ENAM: variants seen among roughly 807,000 people sequenced by gnomAD.
The protein encoded by ENAM is enamelin.
A neutral mutation model predicts 33.6 loss-of-function variants in ENAM; 21 were observed. The ratio of observed to expected loss-of-function variants is 0.63; its 90% CI spans 0.44 to 0.90. The LOEUF (loss-of-function observed/expected upper bound fraction) is 0.90, where lower values mean the gene tolerates loss of function less well. Ranked by LOEUF, ENAM falls within the 40% of genes least tolerant of loss-of-function variation. The pLI is 0.00. For synonymous variants in ENAM, 473 were observed against 468.4 expected (o/e 1.01, Z -0.13); for missense variants, 1,388 against 1,366.9 (o/e 1.02, Z -0.24).
chr4:70,645,032 T>C lies in ENAM; in HGVS notation c.*177T>C. 1.6e-6 allele frequency: 1 copy of C among 640,866 alleles called. No individual in the cohort carries two copies. Among genetic ancestry groups the C allele is most frequent in the Non-Finnish European group, 2.8e-6 (1 of 356,684 alleles). 39.7% of individuals were successfully genotyped at this position (640,866 alleles called of 1,614,324 possible). ...CCAGGTGGAGCTGAGATTAGGCCTC[T>C]GGGGATCACCAGATCTAGCACTTTC... On this transcript the variant is annotated 3_prime_UTR_variant, in exon 9 of 9. Transcript: ENST00000396073.
chr4:70,632,671 C>T lies in ENAM; in HGVS notation c.189C>T (p.Phe63=). Residue 63 remains phenylalanine (F), a synonymous_variant, in exon 5 of 9, where the codon TTC becomes TTT. Transcript: ENST00000396073. The stretch of plus-strand genomic sequence containing the variant: ...TGCAGATGATGCGGTATAATCAATT[C>T]AACTTTATGAACGGCCCACATGTAA... ...KSEEMMRYNQ[F]NFMNGPHMAH... is the part of the protein sequence containing the mutation. 6.2e-7 allele frequency: 1 copy of T among 1,604,434 alleles called. No individual in the cohort carries two copies. Among genetic ancestry groups the T allele is most frequent in the Non-Finnish European group, 8.5e-7 (1 of 1,171,438 alleles).
Position 70,642,827 on chromosome 4 carries a change from T to C in ENAM, c.1401T>C (p.Asn467=), listed in dbSNP as rs774009093. The C allele has an allele frequency of 1.2e-5, 19 of 1,614,012 alleles. No homozygotes were observed. The Admixed American group carries it at 3.2e-4, about 27-fold the overall frequency. The part of the protein sequence containing the change: ...PWRNSQQYEV[N]KSNYKLPHSE... Reference sequence around the variant, plus strand: ...GAAACTCTCAACAGTATGAAGTTAATAAATCAAATTATAAACTGCCTCACT... The same window carrying C: ...GAAACTCTCAACAGTATGAAGTTAACAAATCAAATTATAAACTGCCTCACT... The change falls in exon 9 of 9, where the codon AAT becomes AAC. Residue 467 remains asparagine (N), a synonymous_variant. Coordinates refer to ENST00000396073, the MANE Select transcript of ENAM (RefSeq NM_031889.3).
chr4:70,637,698 T>C (rs1461609939), intron 7 of ENAM, 92 bp from the exon 8 acceptor site: 5 of 929,626 alleles, frequency 5.4e-6, no homozygotes, highest in Non-Finnish European at 9.0e-6. Flanking sequence ...AATCATTGAC[T>C]TGAGCTATTT....
Position 70,631,696 on chromosome 4 carries a change from C to G in ENAM, c.81C>G (p.Leu27=), listed in dbSNP as rs780256936. The G allele has an allele frequency of 1.2e-6, 2 of 1,613,518 alleles. No individual in the cohort carries two copies. Among genetic ancestry groups the G allele is most frequent in the Admixed American group, 3.3e-5 (2 of 60,006 alleles). ...NLVPKGKMKI[L]LVFLGLLGNS... is the part of the protein sequence containing the mutation. Reference sequence around the variant, plus strand: ...TACCAAAAGGCAAAATGAAGATTCTCCTGGTCTTTCTAGGGCTTCTTGGTA... The same window carrying G: ...TACCAAAAGGCAAAATGAAGATTCTGCTGGTCTTTCTAGGGCTTCTTGGTA... Residue 27 remains leucine, a synonymous_variant, in exon 3 of 9, where the codon CTC becomes CTG. Transcript: ENST00000396073.
rs1738496547 is a variant in ENAM, at chr4:70,637,841, G to T, written c.586G>T (p.Gly196Trp). Residue 196 changes from glycine (G) to tryptophan (W), a missense_variant and splice_region_variant, in exon 8 of 9, where the codon GGG (glycine) becomes TGG (tryptophan). Transcript: ENST00000396073. ...CCCACCAATCAGCAATGAAGAAGGG[G>T]GGGTAAGTACAAGTAAAACTACATT... ...GRPPISNEEG[G>W]NPYFGYFGYH... The T allele has an allele frequency of 6.2e-7, 1 of 1,610,330 alleles. No individual in the cohort carries two copies. Among genetic ancestry groups the T allele is most frequent in the Non-Finnish European group, 8.5e-7 (1 of 1,176,554 alleles).
Position 70,640,591 on chromosome 4 carries a change from A to G in ENAM, c.589-1424A>G, listed in dbSNP as rs1015652252. 2.0e-5 allele frequency among the ~76,000 whole-genome samples: 3 copies of G among 152,148 alleles called. No individual in the cohort carries two copies. In the East Asian group the frequency reaches 5.8e-4, roughly 29 times the overall value. On this transcript the variant is annotated intron_variant, in intron 8 of 8. Coordinates refer to ENST00000396073, the MANE Select transcript of ENAM (RefSeq NM_031889.3). Reference sequence around the variant, plus strand: ...AAATTGTATTATTATTATATAATATATAACACTTATTAGGCACTTACTAAG... The same window carrying G: ...AAATTGTATTATTATTATATAATATGTAACACTTATTAGGCACTTACTAAG...
chr4:70,633,411 T>C (rs753362831), intron 5 of ENAM, among the ~76,000 whole-genome samples: 1 of 152,174 alleles, frequency 6.6e-6, no homozygotes, highest in African/African-American at 2.4e-5. Flanking sequence ...TTCATACCCC[T>C]GTTTTTAGTT....
At position 70,644,840 on chromosome 4, in the gene ENAM, A is replaced by G. The variant is rs151158985; in HGVS notation, c.3414A>G (p.Leu1138=). 1.9e-6 allele frequency: 3 copies of G among 1,613,472 alleles called. No individual in the cohort carries two copies. The African/African-American group carries it at 4.0e-5, about 22-fold the overall frequency. Residue 1138 remains leucine (L), a synonymous_variant, in exon 9 of 9, where the codon TTA becomes TTG. Coordinates refer to ENST00000396073, the MANE Select transcript of ENAM (RefSeq NM_031889.3). ...TNVQDQVQDC[L]LLQA is the part of the protein sequence containing the mutation. ...TACAGGACCAGGTACAAGACTGCTT[A>G]CTACTTCAGGCCTAGGGGTTATCCA...
chr4:70,633,000 C>A (rs551212042), intron 5 of ENAM, among the ~76,000 whole-genome samples: 6 of 152,092 alleles, frequency 3.9e-5, no homozygotes, highest in Non-Finnish European at 5.9e-5. Context: ...TAAGATGTCA[C>A]AAATAATGAC....
Position 70,643,868 on chromosome 4 carries a change from A to G in ENAM, c.2442A>G (p.Pro814=). ...KGNQPYYSNT[P]AGLQKNPIWH... ...ACCAGCCCTATTACAGTAACACCCC[A>G]GCTGGGCTTCAGAAAAATCCAATAT... The change falls in exon 9 of 9, where the codon CCA becomes CCG. Residue 814 remains proline, a synonymous_variant. Transcript: ENST00000396073. 6.2e-7 allele frequency: 1 copy of G among 1,614,204 alleles called. No individual in the cohort carries two copies. The highest frequency in any genetic ancestry group is 8.5e-7 in the Non-Finnish European group (1 of 1,180,018).
In ENAM at chr4:70,643,619, T is replaced by C. The variant is rs749603130; in HGVS notation, c.2193T>C (p.Tyr731=). The part of the protein sequence containing the change: ...PWSPDENFPS[Y]NTASTMPPPI... Reference sequence around the variant, plus strand: ...GCCCGGATGAGAATTTTCCATCATATAATACAGCTTCTACTATGCCACCAC... The same window carrying C: ...GCCCGGATGAGAATTTTCCATCATACAATACAGCTTCTACTATGCCACCAC... The change falls in exon 9 of 9, where the codon TAT becomes TAC. Residue 731 remains tyrosine (Y), a synonymous_variant. Transcript: ENST00000396073. 1 of 1,614,014 alleles carries C rather than the reference T, an allele frequency of 6.2e-7. No homozygotes were observed. Among genetic ancestry groups the C allele is most frequent in the Non-Finnish European group, 8.5e-7 (1 of 1,180,014 alleles).
Position 70,642,596 on chromosome 4 carries a change from T to G in ENAM, c.1170T>G (p.Asn390Lys). The G allele has an allele frequency of 1.2e-6, 2 of 1,613,996 alleles. No homozygotes were observed. Among genetic ancestry groups the G allele is most frequent in the Non-Finnish European group, 1.7e-6 (2 of 1,179,988 alleles). ...CTTACCCTCCTACTTCAAGAGGCAA[T>G]TATCCCAATTATGCAGGAAATCCAG... ...HKAYPPTSRG[N>K]YPNYAGNPAN... The change falls in exon 9 of 9, where the codon AAT becomes AAG. Residue 390 changes from asparagine (N) to lysine (K), a missense_variant. Coordinates refer to ENST00000396073, the MANE Select transcript of ENAM (RefSeq NM_031889.3).
rs144413018 is a variant in ENAM, at chr4:70,642,571, C to T, written c.1145C>T (p.Ala382Val). 26 of 1,614,008 alleles carry T rather than the reference C, an allele frequency of 1.6e-5. No individual in the cohort carries two copies. Among genetic ancestry groups the T allele is most frequent in the East Asian group, 2.2e-5 (1 of 44,878 alleles). ...ARPGNPVYHK[A>V]YPPTSRGNYP... ...CCAGGAAATCCAGTTTATCACAAAG[C>T]TTACCCTCCTACTTCAAGAGGCAAT... The change falls in exon 9 of 9, where the codon GCT (alanine) becomes GTT (valine). Residue 382 changes from alanine (A) to valine (V), a missense_variant. By Grantham distance (64) the Ala-to-Val change is moderately conservative. Coordinates refer to ENST00000396073, the MANE Select transcript of ENAM (RefSeq NM_031889.3).
At chr4:70,631,939 C>G (rs1295375630) in intron 4 of ENAM, 46 bp downstream of exon 4, 1 of 1,479,698 alleles carries the variant, frequency 6.8e-7, no homozygotes, top group South Asian at 1.1e-5. Flanking sequence ...GAGTCCTATC[C>G]TACACATTTA....
Position 70,642,460 on chromosome 4 carries a change from A to G in ENAM, c.1034A>G (p.Gln345Arg). Residue 345 changes from glutamine to arginine, a missense_variant, in exon 9 of 9, where the codon CAG (glutamine) becomes CGG (arginine). Transcript: ENST00000396073. ...ACTGGTACTGTCATGGGGCACAGACAGAATAGGCCTTTTTACAGAAATCAA... is the reference window on the plus strand; with the variant it reads ...ACTGGTACTGTCATGGGGCACAGACGGAATAGGCCTTTTTACAGAAATCAA... ...YFTGTVMGHRQNRPFYRNQQV... is the reference protein window; with the variant it reads ...YFTGTVMGHRRNRPFYRNQQV... The G allele has an allele frequency of 6.2e-7, 1 of 1,614,176 alleles. No individual in the cohort carries two copies. The highest frequency in any genetic ancestry group is 8.5e-7 in the Non-Finnish European group (1 of 1,180,002).
Position 70,634,545 on chromosome 4 carries a change from G to A in ENAM, c.448G>A (p.Glu150Lys), listed in dbSNP as rs149086531. 7.4e-5 allele frequency: 120 copies of A among 1,613,968 alleles called. No individual in the cohort carries two copies. The highest frequency in any genetic ancestry group is 3.6e-4 in the African/African-American group (27 of 74,916). Residue 150 changes from glutamate to lysine, a missense_variant, in exon 6 of 9, where the codon GAA becomes AAA. Glu to Lys is a moderately conservative substitution (Grantham distance 56). Coordinates refer to ENST00000396073, the MANE Select transcript of ENAM (RefSeq NM_031889.3). ...GCCATCACATAATCAACCTCAGCCC[G>A]AAGAGGAAGCTCAACCCCCTCAGGT... ...KQPSHNQPQP[E>K]EEAQPPQAFP...
chr4:70,632,657 C>G lies in ENAM; in HGVS notation c.175C>G (p.Arg59Gly). The change falls in exon 5 of 9, where the codon CGG (arginine) becomes GGG (glycine). Residue 59 changes from arginine to glycine, a missense_variant. By Grantham distance (125) the Arg-to-Gly change is moderately radical. Transcript: ENST00000396073. The stretch of plus-strand genomic sequence containing the variant: ...TGGATTCCTTTGGTTGCAGATGATG[C>G]GGTATAATCAATTCAACTTTATGAA... ...GFSSKSEEMM[R>G]YNQFNFMNGP... The G allele has an allele frequency of 6.3e-7, 1 of 1,598,498 alleles. No homozygotes were observed. Among genetic ancestry groups the G allele is most frequent in the Non-Finnish European group, 8.6e-7 (1 of 1,166,044 alleles).
At position 70,645,277 on chromosome 4, in the gene ENAM, G is replaced by T. The variant is rs886059589; in HGVS notation, c.*422G>T. 2.4e-5 allele frequency: 5 copies of T among 211,380 alleles called. No individual in the cohort carries two copies. The highest frequency in any genetic ancestry group is 3.7e-5 in the Non-Finnish European group (4 of 106,800). 13.1% of individuals were successfully genotyped at this position (211,380 alleles called of 1,614,324 possible). On this transcript the variant is annotated 3_prime_UTR_variant, in exon 9 of 9. Coordinates refer to ENST00000396073, the MANE Select transcript of ENAM (RefSeq NM_031889.3). ...TCAGTATAGTCCTGATGCACTGTACGTTTTTTGCTTGTGTTGATCTTGTCA... is the reference window on the plus strand; with the variant it reads ...TCAGTATAGTCCTGATGCACTGTACTTTTTTTGCTTGTGTTGATCTTGTCA...
rs369982478 is a variant in ENAM, at chr4:70,643,595, C to G, written c.2169C>G (p.Ser723Arg). Residue 723 changes from serine to arginine, a missense_variant, in exon 9 of 9, where the codon AGC (serine) becomes AGG (arginine). Transcript: ENST00000396073. ...ATTACAGTGAATTTTACCCATGGAG[C>G]CCGGATGAGAATTTTCCATCATATA... Reference protein sequence around the residue: ...DFYYSEFYPWSPDENFPSYNT... With the variant: ...DFYYSEFYPWRPDENFPSYNT... The G allele has an allele frequency of 3.1e-6, 5 of 1,613,864 alleles. No homozygotes were observed. In the African/African-American group the frequency reaches 5.3e-5, roughly 17 times the overall value.
Sources: allele counts gnomAD v4.1 joint callset (sites outside exome capture counted in the v4.1 genomes callset), GRCh38; gene constraint gnomAD v4.1.1; transcripts MANE v1.5; gene names NCBI Gene and HGNC (gene_info 2026-07-23, HGNC 2026-07-21).